The following AIMP2 variants were observed in gnomAD, a reference collection of about 807,000 sequenced individuals.
AIMP2 encodes the protein aminoacyl tRNA synthetase complex interacting multifunctional protein 2.
Under a neutral mutation model 23.4 loss-of-function variants are expected in AIMP2, and 20 were observed. The observed-to-expected ratio is 0.85, with a 90% CI of 0.60 to 1.24. The LOEUF (loss-of-function observed/expected upper bound fraction) is 1.24, where lower values mean the gene tolerates loss of function less well. Among genes scored for constraint, AIMP2 ranks in the 50% most tolerant of loss-of-function variants. The probability of loss-of-function intolerance (pLI) is 0.00; values close to 1 mark genes in which losing one functional copy is unlikely to be tolerated. For synonymous variants in AIMP2, 210 were observed against 170.4 expected (o/e 1.23, Z -1.81); for missense variants, 515 against 414.5 (o/e 1.24, Z -2.10).
intron 2 of AIMP2, among the ~76,000 whole-genome samples, chr7:6,015,711 G>A (rs1419969503): frequency 2.0e-5 from 3 of 152,222 alleles, no homozygotes; most frequent in Non-Finnish European, 4.4e-5. Context: ...GCGACAGAGC[G>A]AGACTCCGTC....
chr7:6,013,255 ATTTTT>A (rs71008349), intron 1 of AIMP2: 6 of 117,284 alleles, frequency 5.1e-5, no homozygotes, highest in Non-Finnish European at 6.9e-5. Flanking sequence ...ACAATATCTG[ATTTTT>A]TTTTTTTTTT....
chr7:6,017,984 A>G lies in AIMP2; in HGVS notation c.513A>G (p.Glu171=). 6.2e-7 allele frequency: 1 copy of G among 1,614,024 alleles called. No homozygotes were observed. Among genetic ancestry groups the G allele is most frequent in the Non-Finnish European group, 8.5e-7 (1 of 1,180,016 alleles). Residue 171 remains glutamate (E), a synonymous_variant, in exon 3 of 4, where the codon GAA becomes GAG. Coordinates refer to ENST00000223029, the MANE Select transcript of AIMP2 (RefSeq NM_006303.4). ...AAAACCTTCTCAAGTGCTTTGGAGAACAGAATAAAAAACAGCCCCGCCAAG... is the reference window on the plus strand; with the variant it reads ...AAAACCTTCTCAAGTGCTTTGGAGAGCAGAATAAAAAACAGCCCCGCCAAG... ...VPENLLKCFG[E]QNKKQPRQDY...
intron 1 of AIMP2, chr7:6,014,829 C>T (rs1180675573): frequency 1.3e-5 from 4 of 297,210 alleles, no homozygotes; most frequent in Non-Finnish European, 2.6e-5. Flanking sequence ...AAGTGGTTCT[C>T]CTGCCTCACC....
At chr7:6,017,568 C>T (rs867650396) in intron 2 of AIMP2, among the ~76,000 whole-genome samples, 1 of 150,774 alleles carries the variant, frequency 6.6e-6, no homozygotes, top group African/African-American at 2.4e-5. Flanking sequence ...TTTTATTTGA[C>T]AGTAGAGTCA....
chr7:6,009,809 G>C (rs1332144523), intron 1 of AIMP2, among the ~76,000 whole-genome samples: 1 of 150,206 alleles, frequency 6.7e-6, no homozygotes, highest in East Asian at 2.0e-4. Flanking sequence ...AAATTGGCCG[G>C]GTGTGGTGAG....
At position 6,017,869 on chromosome 7, in the gene AIMP2, T is replaced by C. The variant is rs746905456; in HGVS notation, c.398T>C (p.Leu133Pro). 1.9e-6 allele frequency: 3 copies of C among 1,613,980 alleles called. 1 individual carries two copies. The South Asian group carries it at 3.3e-5, about 18-fold the overall frequency. ...VINANPASPPLSLLVLHRLLC... is the reference protein window; with the variant it reads ...VINANPASPPPSLLVLHRLLC... ...AACGCAAACCCGGCCTCCCCTCCCC[T>C]CTCCCTGCTTGTGCTGCACAGGCTG... Residue 133 changes from leucine (L) to proline (P), a missense_variant, in exon 3 of 4, where the codon CTC becomes CCC. Physicochemically the swap from Leu to Pro is moderately conservative, Grantham distance 98. Coordinates refer to ENST00000223029, the MANE Select transcript of AIMP2 (RefSeq NM_006303.4).
At chr7:6,009,595 A>T in intron 1 of AIMP2, 97 bp downstream of exon 1, 1 of 1,096,988 alleles carries the variant, frequency 9.1e-7, no homozygotes. Flanking sequence ...CAACCGGTTC[A>T]CGGCCCCACC....
intron 3 of AIMP2, among the ~76,000 whole-genome samples, chr7:6,020,768 G>A (rs1000877261): frequency 3.3e-5 from 5 of 152,152 alleles, no homozygotes; most frequent in African/African-American, 9.7e-5. Context: ...TAATCTGGGG[G>A]CATGGGAGGG....
Position 6,009,308 on chromosome 7 carries a change from C to A in AIMP2, c.-56C>A. 1 of 1,610,920 alleles carries A rather than the reference C, an allele frequency of 6.2e-7. No homozygotes were observed. The highest frequency in any genetic ancestry group is 1.1e-5 in the South Asian group (1 of 90,932). ...GGCCGGTCTCCGTCGTGACCTCTGACGGTTTCTGAGCGTTGGCCTTTGGCA... is the reference window on the plus strand; with the variant it reads ...GGCCGGTCTCCGTCGTGACCTCTGAAGGTTTCTGAGCGTTGGCCTTTGGCA... On this transcript the variant is annotated 5_prime_UTR_variant, in exon 1 of 4. Transcript: ENST00000223029.
At chr7:6,019,943 A>G (rs1246511701) in intron 3 of AIMP2, among the ~76,000 whole-genome samples, 1 of 150,550 alleles carries the variant, frequency 6.6e-6, no homozygotes, top group African/African-American at 2.5e-5. Context: ...AATCGCTTCA[A>G]CCTGGGAGGT....
Position 6,015,182 on chromosome 7 carries a change from C to G in AIMP2, c.172C>G (p.Arg58Gly). The stretch of plus-strand genomic sequence containing the variant: ...CCTGTCTCTGCAAGCTCTTGAGTCC[C>G]GCCAAGATGATATTTTAAAACGTCT... ...SNLSLQALESRQDDILKRLYE... is the reference protein window; with the variant it reads ...SNLSLQALESGQDDILKRLYE... Residue 58 changes from arginine (R) to glycine (G), a missense_variant, in exon 2 of 4, where the codon CGC (arginine) becomes GGC (glycine). By Grantham distance (125) the Arg-to-Gly change is moderately radical (BLOSUM62 -2). Coordinates refer to ENST00000223029, the MANE Select transcript of AIMP2 (RefSeq NM_006303.4). 1 of 1,614,108 alleles carries G rather than the reference C, an allele frequency of 6.2e-7. No individual in the cohort carries two copies. The highest frequency in any genetic ancestry group is 8.5e-7 in the Non-Finnish European group (1 of 1,180,004).
chr7:6,011,393 G>A (rs974137915), intron 1 of AIMP2, among the ~76,000 whole-genome samples: 1 of 152,152 alleles, frequency 6.6e-6, no homozygotes, highest in Non-Finnish European at 1.5e-5. Flanking sequence ...TCTCTAACTT[G>A]AGGACCTTTT....
chr7:6,009,426 C>T lies in AIMP2; in HGVS notation c.63C>T (p.Pro21=), dbSNP rs145382336. 225 of 1,611,424 alleles carry T rather than the reference C, an allele frequency of 1.4e-4. No individual in the cohort carries two copies. Among genetic ancestry groups the T allele is most frequent in the Middle Eastern group, 2.2e-4 (1 of 4,462 alleles). Residue 21 remains proline (P), a synonymous_variant, in exon 1 of 4, where the codon CCC becomes CCT. Coordinates refer to ENST00000223029, the MANE Select transcript of AIMP2 (RefSeq NM_006303.4). The part of the protein sequence containing the change: ...GGGAPLRVEL[P]TCMYRLPNVH... ...GCGCGCCTCTCCGTGTGGAGCTTCC[C>T]ACCTGCATGTACCGGCTCCCCAACG...
intron 1 of AIMP2, among the ~76,000 whole-genome samples, chr7:6,009,974 A>ATAT (rs1554310935): frequency 3.7e-5 from 1 of 26,672 alleles, no homozygotes; most frequent in African/African-American, 1.4e-4. Flanking sequence ...AAAAAAAAAA[A>ATAT]ATATATATAT....
At chr7:6,020,976 G>A (rs974547544) in intron 3 of AIMP2, among the ~76,000 whole-genome samples, 1 of 152,174 alleles carries the variant, frequency 6.6e-6, no homozygotes, top group Non-Finnish European at 1.5e-5. Flanking sequence ...GTTGTACAAC[G>A]TCTGGACAAG....
At chr7:6,012,488 T>C (rs920555112) in intron 1 of AIMP2, among the ~76,000 whole-genome samples, 1 of 152,134 alleles carries the variant, frequency 6.6e-6, no homozygotes, top group Admixed American at 6.6e-5. Context: ...TAGATCACGC[T>C]GCACTCAGGG....
intron 1 of AIMP2, among the ~76,000 whole-genome samples, chr7:6,010,275 C>T (rs1430898624): frequency 1.3e-5 from 2 of 151,662 alleles, no homozygotes; most frequent in Non-Finnish European, 2.9e-5. Flanking sequence ...ACAAAGCGAA[C>T]CCCAGGGTCA....
chr7:6,015,587 G>C lies in AIMP2; in HGVS notation c.342+235G>C, dbSNP rs567245488. 3.9e-5 allele frequency among the ~76,000 whole-genome samples: 6 copies of C among 152,326 alleles called. No homozygotes were observed. The South Asian group carries it at 1.0e-3, about 26-fold the overall frequency. On this transcript the variant is annotated intron_variant, in intron 2 of 3. Transcript: ENST00000223029. Reference sequence around the variant, plus strand: ...AAAATACAAAAAATTCGCCGGGCGTGGTGGCGGGCACCTGTAGTCCCAGCT... The same window carrying C: ...AAAATACAAAAAATTCGCCGGGCGTCGTGGCGGGCACCTGTAGTCCCAGCT...
At chr7:6,021,577 A>G (rs776762856) in intron 3 of AIMP2, among the ~76,000 whole-genome samples, 13 of 152,084 alleles carry the variant, frequency 8.5e-5, no homozygotes, top group Non-Finnish European at 1.9e-4. Context: ...GAAGAGTTTC[A>G]GGGTATAGAT....
Sources: gnomAD v4.1 joint callset for allele counts (sites outside exome capture counted in the v4.1 genomes callset) on GRCh38, gnomAD v4.1.1 for gene constraint, MANE v1.5 for transcripts, NCBI Gene and HGNC (gene_info 2026-07-23, HGNC 2026-07-21) for gene names.